The following RMP64 variants were observed in gnomAD, a reference collection of about 807,000 sequenced individuals.
The protein encoded by RMP64 is nucleolus and neural progenitor protein.
At chr3:113,008,939 C>A in the RMP64 span, 10 of 153,084 alleles carry the variant, frequency 6.5e-5, no homozygotes, top group African/African-American at 2.4e-4. Context: ...CACTGAAAGG[C>A]CCCTCTTCGC....
the RMP64 span, chr3:113,008,077 T>G: frequency 8.6e-7 from 1 of 1,165,528 alleles, no homozygotes; most frequent in Non-Finnish European, 1.2e-6. Context: ...CTGCGGCTGC[T>G]GGACATCACA....
chr3:113,008,467 T>A, the RMP64 span: 1 of 1,543,372 alleles, frequency 6.5e-7, no homozygotes, highest in Non-Finnish European at 8.9e-7. Flanking sequence ...ATATTGGACA[T>A]GTTACTGACT....
At chr3:113,007,041 C>G in the RMP64 span, among the ~76,000 whole-genome samples, 1 of 152,150 alleles carries the variant, frequency 6.6e-6, no homozygotes, top group African/African-American at 2.4e-5. Flanking sequence ...CCAATAAACA[C>G]CAGTTTGCTA....
At chr3:113,012,824 T>C in the RMP64 span, 5 of 1,517,930 alleles carry the variant, frequency 3.3e-6, no homozygotes, top group South Asian at 1.1e-5. Flanking sequence ...GGAAAATCAA[T>C]TTAAGGTAGA....
chr3:113,011,462 C>T, the RMP64 span: 1 of 1,434,308 alleles, frequency 7.0e-7, no homozygotes, highest in Middle Eastern at 1.9e-4. Context: ...TTGCAGATTA[C>T]ATAATAAACT....
chr3:113,008,052 C>A, the RMP64 span: 5 of 819,316 alleles, frequency 6.1e-6, no homozygotes, highest in African/African-American at 8.6e-5. Context: ...TTGAGTACAT[C>A]CCAATTTAGC....
the RMP64 span, chr3:113,010,987 G>T: frequency 6.8e-7 from 1 of 1,460,920 alleles, no homozygotes; most frequent in Non-Finnish European, 9.2e-7. Context: ...CTTTCAAAAG[G>T]TTTCTTTTTA....
the RMP64 span, chr3:113,008,163 A>C: frequency 6.2e-7 from 1 of 1,610,788 alleles, no homozygotes; most frequent in Non-Finnish European, 8.5e-7. Context: ...TTTTTGCAAT[A>C]TACCTACCTA....
chr3:113,005,879 T>C, the RMP64 span: 1 of 1,613,764 alleles, frequency 6.2e-7, no homozygotes, highest in Non-Finnish European at 8.5e-7. Flanking sequence ...TGGTTTCCTT[T>C]GTCTCCGTAA....
At chr3:113,016,600 A>T in the RMP64 span, among the ~76,000 whole-genome samples, 649 of 152,360 alleles carry the variant, frequency 4.3e-3, 8 homozygotes, top group African/African-American at 0.015. Flanking sequence ...TGGAAAATTT[A>T]GGGAAAGACC....
the RMP64 span, among the ~76,000 whole-genome samples, chr3:113,006,676 C>T: frequency 6.6e-6 from 1 of 152,130 alleles, no homozygotes; most frequent in Admixed American, 6.5e-5. Context: ...TTTTAAAAGA[C>T]GGGCATGGAT....
At chr3:113,003,624 T>C in the RMP64 span, 1 of 152,124 alleles carries the variant, frequency 6.6e-6, no homozygotes, top group Admixed American at 6.5e-5. Flanking sequence ...CAAAAGAACA[T>C]GAATGAATTT....
chr3:113,010,781 T>C, the RMP64 span: 6 of 1,205,174 alleles, frequency 5.0e-6, no homozygotes, highest in Non-Finnish European at 7.3e-6. Flanking sequence ...CTTAAGTGCA[T>C]GACATTTCTT....
At chr3:113,013,520 CAA>C in the RMP64 span, 8 of 910,152 alleles carry the variant, frequency 8.8e-6, 1 homozygote, top group South Asian at 1.1e-4. Context: ...AGGATTGAAA[CAA>C]AGAGATGCAT....
chr3:113,017,424 G>T, the RMP64 span: 6 of 1,607,330 alleles, frequency 3.7e-6, no homozygotes, highest in Non-Finnish European at 5.1e-6. Flanking sequence ...AACAGGTTGG[G>T]TCTCACCTAC....
chr3:113,019,543 A>G, the RMP64 span: 2 of 1,611,502 alleles, frequency 1.2e-6, no homozygotes, highest in South Asian at 2.2e-5. Context: ...CTCACTCACC[A>G]AGGGCCGCGC....
chr3:113,005,847 G>A, the RMP64 span: 1 of 1,613,798 alleles, frequency 6.2e-7, no homozygotes, highest in African/African-American at 1.3e-5. Flanking sequence ...TCCCTTAAAA[G>A]AGTCGACTGC....
the RMP64 span, chr3:113,008,561 T>C: frequency 1.4e-6 from 1 of 720,506 alleles, no homozygotes; most frequent in Admixed American, 2.5e-5. Context: ...CTTGAAGTGA[T>C]GGATACCCCA....
At chr3:113,009,040 A>G in the RMP64 span, among the ~76,000 whole-genome samples, 1 of 152,192 alleles carries the variant, frequency 6.6e-6, no homozygotes, top group African/African-American at 2.4e-5. Flanking sequence ...AAAACAGGGA[A>G]GATATGGGGC....
Sources: gnomAD v4.1 joint callset for allele counts (sites outside exome capture counted in the v4.1 genomes callset) on GRCh38, gnomAD v4.1.1 for gene constraint, MANE v1.5 for transcripts, NCBI Gene and HGNC (gene_info 2026-07-23, HGNC 2026-07-21) for gene names.